The following STK24 variants were observed in gnomAD, a reference collection of about 807,000 sequenced individuals.
STK24 encodes the protein serine/threonine-protein kinase 24.
In STK24, 21 loss-of-function variants were observed where a neutral mutation model predicts 55.6. The ratio of observed to expected loss-of-function variants is 0.38; its 90% confidence interval spans 0.27 to 0.54. STK24 has a LOEUF of 0.54. Among genes scored for constraint, STK24 ranks in the 20% least tolerant of loss-of-function variants. The pLI is 0.79. For synonymous variants in STK24, 200 were observed against 215.2 expected, an observed-to-expected ratio of 0.93 and a Z score of 0.62; for missense variants, 383 against 538.4, an observed-to-expected ratio of 0.71 and a Z score of 2.86.
chr13:98,552,532 A>G (rs1412331485), intron 1 of STK24, among the ~76,000 whole-genome samples: 1 of 152,186 alleles, frequency 6.6e-6, no homozygotes, highest in African/African-American at 2.4e-5. Context: ...TTAGAGAAGG[A>G]CATGCACTCA....
intron 1 of STK24, among the ~76,000 whole-genome samples, chr13:98,537,378 G>A (rs1197010372): frequency 2.0e-5 from 3 of 152,212 alleles, no homozygotes; most frequent in African/African-American, 2.4e-5. Flanking sequence ...GAACAGCAGC[G>A]GGCTCATTCA....
chr13:98,544,978 C>T (rs1465843834), intron 1 of STK24, among the ~76,000 whole-genome samples: 1 of 152,142 alleles, frequency 6.6e-6, no homozygotes, highest in East Asian at 1.9e-4. Flanking sequence ...AAAAGATGTT[C>T]CATACCTGAA....
intron 1 of STK24, among the ~76,000 whole-genome samples, chr13:98,563,957 C>T (rs1897499991): frequency 6.6e-6 from 1 of 151,916 alleles, no homozygotes; most frequent in Non-Finnish European, 1.5e-5. Flanking sequence ...AAGCCAACAA[C>T]CCCAAAACCC....
chr13:98,568,416 G>A (rs940290892), intron 1 of STK24, among the ~76,000 whole-genome samples: 1 of 152,156 alleles, frequency 6.6e-6, no homozygotes, highest in Admixed American at 6.5e-5. Context: ...CCACAGAAGT[G>A]GGTAGACAGC....
chr13:98,562,197 T>C (rs1897441456), intron 1 of STK24, among the ~76,000 whole-genome samples: 1 of 152,116 alleles, frequency 6.6e-6, no homozygotes, highest in Admixed American at 6.5e-5. Context: ...GCAAATAAAA[T>C]AGGAAGAACT....
At chr13:98,495,021 A>G (rs1481108221) in intron 2 of STK24, among the ~76,000 whole-genome samples, 3 of 152,214 alleles carry the variant, frequency 2.0e-5, no homozygotes, top group Non-Finnish European at 4.4e-5. Flanking sequence ...GCGGGCTCCA[A>G]GAAACAGCCT....
chr13:98,500,593 C>G (rs1278850986), intron 2 of STK24, among the ~76,000 whole-genome samples: 1 of 151,912 alleles, frequency 6.6e-6, no homozygotes, highest in Non-Finnish European at 1.5e-5. Flanking sequence ...CCTATGGAAA[C>G]GCTACCTTAG....
intron 1 of STK24, among the ~76,000 whole-genome samples, chr13:98,569,023 A>T (rs1282880456): frequency 6.6e-6 from 1 of 152,206 alleles, no homozygotes; most frequent in East Asian, 1.9e-4. Context: ...CTTCACAGAA[A>T]AGGCCTAACC....
Position 98,466,490 on chromosome 13 carries a change from G to T in STK24, c.669C>A (p.His223Gln), listed in dbSNP as rs987557340. 1 of 1,614,000 alleles carries T rather than the reference G, an allele frequency of 6.2e-7. No homozygotes were observed. The highest frequency in any genetic ancestry group is 8.5e-7 in the Non-Finnish European group (1 of 1,180,042). The change falls in exon 6 of 11, where the codon CAC becomes CAA. Residue 223 changes from histidine (H) to glutamine (Q), a missense_variant. By Grantham distance (24) the His-to-Gln change is conservative (BLOSUM62 0). Coordinates refer to ENST00000539966, the MANE Select transcript of STK24 (RefSeq NM_001032296.4). ...ARGEPPHSEL[H>Q]PMKVLFLIPK... is the part of the protein sequence containing the mutation. The stretch of plus-strand genomic sequence containing the variant: ...GAATGAGGAATAAAACTTTCATGGG[G>T]TGCAGCTCGGAATGAGGTGGTTCCC...
intron 1 of STK24, among the ~76,000 whole-genome samples, chr13:98,552,519 T>C (rs9300486): frequency 0.18 from 27,645 of 152,062 alleles, 2,595 homozygotes; most frequent in South Asian, 0.25. Flanking sequence ...CAGGAGGTCC[T>C]CCTTAGAGAA....
intron 1 of STK24, among the ~76,000 whole-genome samples, chr13:98,575,062 G>T (rs1020124890): frequency 2.2e-4 from 33 of 152,234 alleles, no homozygotes; most frequent in African/African-American, 7.9e-4. Flanking sequence ...AGGAAATATT[G>T]ATAAAACTTT....
intron 1 of STK24, among the ~76,000 whole-genome samples, chr13:98,520,928 G>A (rs1896239316): frequency 6.6e-6 from 1 of 152,242 alleles, no homozygotes; most frequent in African/African-American, 2.4e-5. Flanking sequence ...ATCAAACAAT[G>A]CAAAAGCTCA....
intron 10 of STK24, chr13:98,456,896 G>T: frequency 9.3e-6 from 5 of 536,926 alleles, no homozygotes; most frequent in Non-Finnish European, 1.6e-5. Flanking sequence ...AGAGGAAACA[G>T]GTATTTCACC....
At chr13:98,503,717 G>C (rs1895579243) in intron 2 of STK24, among the ~76,000 whole-genome samples, 2 of 152,218 alleles carry the variant, frequency 1.3e-5, no homozygotes, top group South Asian at 4.1e-4. Flanking sequence ...AATATCCTTA[G>C]AAGTCATAAA....
At chr13:98,461,054 A>AGAG (rs1555301293) in intron 8 of STK24, among the ~76,000 whole-genome samples, 2 of 143,748 alleles carry the variant, frequency 1.4e-5, no homozygotes, top group African/African-American at 2.6e-5. Flanking sequence ...AAAAAAAAAA[A>AGAG]AGAGAGAGAG....
chr13:98,561,588 A>G lies in STK24; in HGVS notation c.42+15157T>C, dbSNP rs1193117733. On this transcript the variant is annotated intron_variant, in intron 1 of 10. Coordinates refer to ENST00000539966, the MANE Select transcript of STK24 (RefSeq NM_001032296.4). Reference sequence around the variant, plus strand: ...CAGAGTGAGACTGTCTCAAAAAGAAAGAAAGAAAGAAAGCAGCAAGGTTAT... The same window carrying G: ...CAGAGTGAGACTGTCTCAAAAAGAAGGAAAGAAAGAAAGCAGCAAGGTTAT... 1.3e-5 allele frequency among the ~76,000 whole-genome samples: 2 copies of G among 152,254 alleles called. 1 individual carries two copies. Among genetic ancestry groups the G allele is most frequent in the South Asian group, 4.1e-4 (2 of 4,820 alleles).
chr13:98,549,437 G>A (rs1897108446), intron 1 of STK24, among the ~76,000 whole-genome samples: 1 of 152,200 alleles, frequency 6.6e-6, no homozygotes, highest in African/African-American at 2.4e-5. Flanking sequence ...CAAACTGCAT[G>A]ATGAAATGCA....
intron 3 of STK24, among the ~76,000 whole-genome samples, chr13:98,479,040 C>G (rs912330): frequency 6.6e-6 from 1 of 152,060 alleles, no homozygotes; most frequent in Non-Finnish European, 1.5e-5. Context: ...GCCCCTGACA[C>G]GCGGGAGGCA....
intron 5 of STK24, among the ~76,000 whole-genome samples, chr13:98,472,432 T>C (rs371762735): frequency 6.6e-6 from 1 of 152,296 alleles, no homozygotes; most frequent in Non-Finnish European, 1.5e-5. Flanking sequence ...AAGGTTCTCA[T>C]GTGAGCAGTG....
Sources: allele counts gnomAD v4.1 joint callset (sites outside exome capture counted in the v4.1 genomes callset), GRCh38; gene constraint gnomAD v4.1.1; transcripts MANE v1.5; gene names NCBI Gene and HGNC (gene_info 2026-07-23, HGNC 2026-07-21).